The following ATRNL1 variants were observed in gnomAD, a reference collection of about 807,000 sequenced individuals.
ATRNL1 encodes attractin-like protein 1.
In ATRNL1, 95 loss-of-function variants were observed where a neutral mutation model predicts 182.7. That is an observed-to-expected ratio of 0.52 (90% confidence interval 0.44 to 0.62). The LOEUF is 0.62. Among genes scored for constraint, ATRNL1 ranks in the 20% least tolerant of loss-of-function variants. The pLI is 0.00. For synonymous variants in ATRNL1, 576 were observed against 568.3 expected (o/e 1.01, Z -0.19); for missense variants, 1,471 against 1,679.5 (o/e 0.88, Z 2.17).
intron 19 of ATRNL1, among the ~76,000 whole-genome samples, chr10:115,382,825 T>C (rs1232739713): frequency 6.6e-6 from 1 of 151,972 alleles, no homozygotes; most frequent in East Asian, 1.9e-4. Context: ...TTTTTTACTG[T>C]TAAACATGTT....
intron 27 of ATRNL1, among the ~76,000 whole-genome samples, chr10:115,826,798 A>T (rs1555092145): frequency 6.6e-6 from 1 of 152,196 alleles, no homozygotes; most frequent in Admixed American, 6.5e-5. Context: ...AAAAGGCAAC[A>T]TTCGATTAAA....
intron 27 of ATRNL1, among the ~76,000 whole-genome samples, chr10:115,743,393 G>A (rs2134101746): frequency 6.7e-6 from 1 of 150,070 alleles, no homozygotes; most frequent in African/African-American, 2.5e-5. Flanking sequence ...CTCTGTCTCT[G>A]TTGTTCTCTT....
intron 5 of ATRNL1, among the ~76,000 whole-genome samples, chr10:115,139,256 C>T (rs550887391): frequency 1.0e-3 from 157 of 152,346 alleles, no homozygotes; most frequent in Admixed American, 3.1e-3. Flanking sequence ...GTTTCAACCT[C>T]TGCCTGTTAC....
intron 8 of ATRNL1, among the ~76,000 whole-genome samples, chr10:115,182,762 A>T (rs1204411426): frequency 2.0e-5 from 3 of 151,630 alleles, no homozygotes; most frequent in Non-Finnish European, 4.4e-5. Context: ...CAATGATATG[A>T]TATATATTAG....
At chr10:115,572,511 T>G (rs1392386271) in intron 26 of ATRNL1, among the ~76,000 whole-genome samples, 1 of 152,086 alleles carries the variant, frequency 6.6e-6, no homozygotes, top group Non-Finnish European at 1.5e-5. Context: ...TACCTTAACC[T>G]AAACCATAAG....
At chr10:115,835,028 C>T (rs1387272119) in intron 27 of ATRNL1, among the ~76,000 whole-genome samples, 1 of 152,110 alleles carries the variant, frequency 6.6e-6, no homozygotes, top group Admixed American at 6.6e-5. Flanking sequence ...AGGGAGTGCT[C>T]AGTAAATAGT....
chr10:115,506,469 C>G (rs1592755961), intron 24 of ATRNL1, among the ~76,000 whole-genome samples: 1 of 151,940 alleles, frequency 6.6e-6, no homozygotes, highest in East Asian at 1.9e-4. Context: ...AGCTACTTAC[C>G]TAGGGATGGG....
At chr10:115,701,314 A>G (rs1555051468) in intron 26 of ATRNL1, among the ~76,000 whole-genome samples, 1 of 152,098 alleles carries the variant, frequency 6.6e-6, no homozygotes, top group African/African-American at 2.4e-5. Flanking sequence ...AGCAGTATTC[A>G]GAGGAAGCTT....
intron 25 of ATRNL1, among the ~76,000 whole-genome samples, chr10:115,521,500 A>G (rs1343710803): frequency 6.6e-6 from 1 of 152,152 alleles, no homozygotes; most frequent in Non-Finnish European, 1.5e-5. Context: ...AATTCACTGA[A>G]AGTTTGGTTA....
At position 115,629,791 on chromosome 10, in the gene ATRNL1, A is replaced by G. The variant is rs541702167; in HGVS notation, c.3795+80255A>G. Among the ~76,000 whole-genome samples the G allele has an allele frequency of 1.6e-4, 24 of 152,208 alleles. No homozygotes were observed. In the East Asian group the frequency reaches 4.4e-3, roughly 28 times the overall value. Reference sequence around the variant, plus strand: ...TTAAACATGGAATTCTGTTTCCTGAAGATAAAAAGTCCTGTAAGGAACACA... The same window carrying G: ...TTAAACATGGAATTCTGTTTCCTGAGGATAAAAAGTCCTGTAAGGAACACA... On this transcript the variant is annotated intron_variant, in intron 26 of 28. Transcript: ENST00000355044.
intron 25 of ATRNL1, among the ~76,000 whole-genome samples, chr10:115,521,800 A>G (rs1850950089): frequency 6.6e-6 from 1 of 152,210 alleles, no homozygotes; most frequent in African/African-American, 2.4e-5. Flanking sequence ...AGATCACTTA[A>G]AAAACTGGGT....
intron 10 of ATRNL1, among the ~76,000 whole-genome samples, chr10:115,261,935 A>C (rs1851410060): frequency 6.6e-6 from 1 of 152,118 alleles, no homozygotes; most frequent in Non-Finnish European, 1.5e-5. Flanking sequence ...ATATAAATGT[A>C]TAGAGAATGG....
At chr10:115,557,728 G>A (rs765090283) in intron 26 of ATRNL1, among the ~76,000 whole-genome samples, 1 of 152,040 alleles carries the variant, frequency 6.6e-6, no homozygotes, top group African/African-American at 2.4e-5. Context: ...GACAAACAAC[G>A]CTAACTAGTG....
In ATRNL1 at chr10:115,589,800, T is replaced by A. The variant is rs1555011618; in HGVS notation, c.3795+40264T>A. Among the ~76,000 whole-genome samples the A allele has an allele frequency of 2.6e-5, 4 of 152,316 alleles. No homozygotes were observed. In the South Asian group the frequency reaches 8.3e-4, roughly 32 times the overall value. ...GTCTTTTGGATCAAAAATGTCAAAT[T>A]GAGTATTAACGAAAGATTACTCTGT... On this transcript the variant is annotated intron_variant, in intron 26 of 28. Coordinates refer to ENST00000355044, the MANE Select transcript of ATRNL1 (RefSeq NM_207303.4).
At chr10:115,610,342 G>T (rs900066731) in intron 26 of ATRNL1, among the ~76,000 whole-genome samples, 1 of 152,086 alleles carries the variant, frequency 6.6e-6, no homozygotes, top group South Asian at 2.1e-4. Context: ...GAAAGCAATT[G>T]ATTTCTTTGA....
chr10:115,581,746 CT>C (rs11412844), intron 26 of ATRNL1, among the ~76,000 whole-genome samples: 2,949 of 149,606 alleles, frequency 0.02, 65 homozygotes, highest in East Asian at 0.12. Context: ...CGACACTAAA[CT>C]TTTTTTTTTA....
At chr10:115,500,716 T>C (rs1437445266) in intron 24 of ATRNL1, among the ~76,000 whole-genome samples, 1 of 151,424 alleles carries the variant, frequency 6.6e-6, no homozygotes, top group East Asian at 2.0e-4. Flanking sequence ...TAATTTTGTA[T>C]TTTTAGTGGA....
At chr10:115,522,201 G>T (rs1330834454) in intron 25 of ATRNL1, among the ~76,000 whole-genome samples, 9 of 152,148 alleles carry the variant, frequency 5.9e-5, no homozygotes, top group Non-Finnish European at 1.3e-4. Context: ...AATACCTAAG[G>T]CTGGGTAATT....
intron 28 of ATRNL1, among the ~76,000 whole-genome samples, chr10:115,920,825 C>A (rs184523513): frequency 7.7e-4 from 117 of 152,064 alleles, no homozygotes; most frequent in African/African-American, 2.6e-3. Flanking sequence ...GATATTAACA[C>A]TAAAATTGCA....
Sources: gnomAD v4.1 joint callset for allele counts (sites outside exome capture counted in the v4.1 genomes callset) on GRCh38, gnomAD v4.1.1 for gene constraint, MANE v1.5 for transcripts, NCBI Gene and HGNC (gene_info 2026-07-23, HGNC 2026-07-21) for gene names.